CCSER2: variants seen among roughly 807,000 people sequenced by gnomAD.
CCSER2 encodes coiled-coil serine rich protein 2.
Under a neutral mutation model 92.3 loss-of-function variants are expected in CCSER2, and 46 were observed. The observed-to-expected ratio is 0.50, with a 90% CI of 0.39 to 0.64. The LOEUF is 0.64. Among genes scored for constraint, CCSER2 ranks in the 30% least tolerant of loss-of-function variants. CCSER2 has a pLI of 0.00. For synonymous variants in CCSER2, 433 were observed against 431.4 expected, an observed-to-expected ratio of 1.00 and a Z score of -0.04; for missense variants, 1,244 against 1,238.9, an observed-to-expected ratio of 1.00 and a Z score of -0.06.
At chr10:84,332,367 T>C (rs897384548) in intron 1 of CCSER2, among the ~76,000 whole-genome samples, 4 of 147,916 alleles carry the variant, frequency 2.7e-5, no homozygotes, top group Non-Finnish European at 4.5e-5. Context: ...ATCTATTTTT[T>C]CTTATTGTAG....
intron 9 of CCSER2, among the ~76,000 whole-genome samples, chr10:84,512,894 C>T (rs183624118): frequency 7.0e-4 from 107 of 152,284 alleles, no homozygotes; most frequent in Non-Finnish European, 1.1e-3. Context: ...CTAAATGTCT[C>T]GACCTATATT....
intron 9 of CCSER2, chr10:84,500,117 T>C: frequency 2.4e-6 from 1 of 413,310 alleles, no homozygotes; most frequent in Non-Finnish European, 3.3e-6. Context: ...CTCTTAACAC[T>C]TCCTTTTACT....
chr10:84,430,784 C>T (rs1216017416), intron 5 of CCSER2, among the ~76,000 whole-genome samples: 2 of 152,160 alleles, frequency 1.3e-5, no homozygotes, highest in African/African-American at 4.8e-5. Flanking sequence ...TGATTAAATG[C>T]TCCTTAGTTG....
chr10:84,341,025 C>A (rs1264332851), intron 1 of CCSER2, among the ~76,000 whole-genome samples: 1 of 149,332 alleles, frequency 6.7e-6, no homozygotes, highest in Non-Finnish European at 1.5e-5. Flanking sequence ...TCATGTACCA[C>A]TCAATGTAAC....
intron 3 of CCSER2, among the ~76,000 whole-genome samples, chr10:84,393,260 C>T (rs1841630097): frequency 2.0e-5 from 3 of 152,204 alleles, no homozygotes; most frequent in South Asian, 4.1e-4. Flanking sequence ...AAATCTTTGC[C>T]TCTGTGCTGT....
chr10:84,332,325 TA>T (rs1843600585), intron 1 of CCSER2, among the ~76,000 whole-genome samples: 1 of 149,936 alleles, frequency 6.7e-6, no homozygotes. Flanking sequence ...ACTAACATCA[TA>T]AATATATTAA....
intron 9 of CCSER2, among the ~76,000 whole-genome samples, chr10:84,480,377 A>C (rs148517859): frequency 1.3e-5 from 2 of 152,320 alleles, no homozygotes; most frequent in African/African-American, 4.8e-5. Context: ...GAAAAGGCAT[A>C]GTTTCAGTAA....
chr10:84,425,946 T>C, intron 5 of CCSER2, 53 bp downstream of exon 5: 2 of 1,291,468 alleles, frequency 1.5e-6, no homozygotes, highest in South Asian at 1.9e-5. Context: ...TTTTGAATTA[T>C]AATTCTCCCT....
Position 84,372,028 on chromosome 10 carries a change from A to G in CCSER2, c.976A>G (p.Ser326Gly), listed in dbSNP as rs1589468703. 6.2e-7 allele frequency: 1 copy of G among 1,613,762 alleles called. No individual in the cohort carries two copies. The highest frequency in any genetic ancestry group is 1.7e-5 in the Admixed American group (1 of 59,964). The change falls in exon 2 of 10, where the codon AGC (serine) becomes GGC (glycine). Residue 326 changes from serine to glycine, a missense_variant. Transcript: ENST00000372088. The stretch of plus-strand genomic sequence containing the variant: ...GGTTCATCCCTCTCTACTGAAATCT[A>G]GCCGATCTCCATTTTCTGGGACTAT... Reference protein sequence around the residue: ...RMVHPSLLKSSRSPFSGTMTV... With the variant: ...RMVHPSLLKSGRSPFSGTMTV...
chr10:84,458,721 A>G (rs1845921955), intron 6 of CCSER2, among the ~76,000 whole-genome samples: 1 of 152,144 alleles, frequency 6.6e-6, no homozygotes, highest in Non-Finnish European at 1.5e-5. Flanking sequence ...ACACACACAT[A>G]TATTCCTTCA....
chr10:84,450,209 T>C (rs1467940407), intron 6 of CCSER2, among the ~76,000 whole-genome samples: 1 of 152,226 alleles, frequency 6.6e-6, no homozygotes, highest in Non-Finnish European at 1.5e-5. Context: ...GTTTTTAACC[T>C]GTACCCAGTA....
rs372820281 is a variant in CCSER2 at position 84,441,557 on chromosome 10, C to T, written c.2064+2850C>T. 2.8e-4 allele frequency among the ~76,000 whole-genome samples: 42 copies of T among 151,764 alleles called. 1 individual carries two copies. In the East Asian group the frequency reaches 4.3e-3, roughly 15 times the overall value. ...TTATAATGATTCTTTGTTGTTTATTCAGGACTTTGTACATGGCCATGCCTG... is the reference window on the plus strand; with the variant it reads ...TTATAATGATTCTTTGTTGTTTATTTAGGACTTTGTACATGGCCATGCCTG... On this transcript the variant is annotated intron_variant, in intron 6 of 9. Coordinates refer to ENST00000372088, the MANE Select transcript of CCSER2 (RefSeq NM_001284240.2).
chr10:84,372,508 A>G, intron 2 of CCSER2, 39 bp downstream of exon 2: 1 of 1,149,078 alleles, frequency 8.7e-7, no homozygotes, highest in Non-Finnish European at 1.2e-6. Context: ...GCTTTCTTTT[A>G]AATAATATAA....
chr10:84,464,072 A>G, intron 7 of CCSER2, 56 bp downstream of exon 7: 2 of 830,776 alleles, frequency 2.4e-6, no homozygotes, highest in Admixed American at 2.1e-5. Flanking sequence ...TACTAAAATA[A>G]TGATACAATG....
chr10:84,357,227 A>G (rs972537463), intron 1 of CCSER2, among the ~76,000 whole-genome samples: 1 of 147,610 alleles, frequency 6.8e-6, no homozygotes, highest in Non-Finnish European at 1.5e-5. Context: ...GGGGTAGTGC[A>G]TTTCAGACAC....
At chr10:84,415,149 T>C (rs1842832112) in intron 3 of CCSER2, among the ~76,000 whole-genome samples, 1 of 152,218 alleles carries the variant, frequency 6.6e-6, no homozygotes. Context: ...ACTGTGTCAG[T>C]TCAGCCATCT....
At chr10:84,388,824 A>C (rs1054107631) in intron 3 of CCSER2, among the ~76,000 whole-genome samples, 2 of 152,126 alleles carry the variant, frequency 1.3e-5, no homozygotes, top group African/African-American at 4.8e-5. Flanking sequence ...ATGAGAATCT[A>C]TTGCTGCTGG....
chr10:84,485,990 G>A (rs1477191463), intron 9 of CCSER2, among the ~76,000 whole-genome samples: 7 of 152,096 alleles, frequency 4.6e-5, no homozygotes, highest in Admixed American at 6.6e-5. Context: ...GAGAACATGC[G>A]GTGTTTGTTT....
intron 4 of CCSER2, among the ~76,000 whole-genome samples, chr10:84,422,123 T>C (rs1030835225): frequency 6.6e-6 from 1 of 152,162 alleles, no homozygotes; most frequent in Non-Finnish European, 1.5e-5. Flanking sequence ...GGAATTCTGG[T>C]TTCTGTAACT....
Sources: allele counts gnomAD v4.1 joint callset (sites outside exome capture counted in the v4.1 genomes callset), GRCh38; gene constraint gnomAD v4.1.1; transcripts MANE v1.5; gene names NCBI Gene and HGNC (gene_info 2026-07-23, HGNC 2026-07-21).